Variants in IFT172 observed in about 807,000 individuals in gnomAD.
IFT172 encodes the protein intraflagellar transport 172, also known as intraflagellar transport protein 172 homolog.
In IFT172, 164 loss-of-function variants were observed where a neutral mutation model predicts 248.9. That is an observed-to-expected ratio of 0.66 (90% CI 0.58 to 0.75). The LOEUF is 0.75. IFT172 is among the 30% of genes least tolerant of loss of function. IFT172 has a pLI of 0.00. For missense variants in IFT172, 1,950 were observed against 2,192.4 expected (o/e 0.89, Z 2.21); for synonymous variants, 729 against 791.6 (o/e 0.92, Z 1.33).
intron 42 of IFT172, chr2:27,446,606 C>T (rs576453277): frequency 3.2e-5 from 11 of 340,424 alleles, no homozygotes; most frequent in Non-Finnish European, 4.3e-5. Flanking sequence ...CTCTGCCTCC[C>T]GGATTCAAGT....
Position 27,446,364 on chromosome 2 carries a change from A to C in IFT172, c.4660-9T>G. On this transcript the variant is annotated splice_polypyrimidine_tract_variant and intron_variant, in intron 42 of 47. Coordinates refer to ENST00000260570, the MANE Select transcript of IFT172 (RefSeq NM_015662.3). ...CTGGCAGCCACGGTTTCCTGGGATTAAAGTCAAAGCATTATGAATATGGCA... is the reference window on the plus strand; with the variant it reads ...CTGGCAGCCACGGTTTCCTGGGATTCAAGTCAAAGCATTATGAATATGGCA... 6.2e-7 allele frequency: 1 copy of C among 1,613,818 alleles called. No individual in the cohort carries two copies. The highest frequency in any genetic ancestry group is 1.3e-5 in the African/African-American group (1 of 75,052).
At chr2:27,446,809 C>G (rs1243328835) in intron 42 of IFT172, among the ~76,000 whole-genome samples, 1 of 148,540 alleles carries the variant, frequency 6.7e-6, no homozygotes, top group Non-Finnish European at 1.5e-5. Flanking sequence ...ACGCCATTCT[C>G]CTGCCTCAGC....
chr2:27,476,739 G>A lies in IFT172; in HGVS notation c.1326-13C>T. 1 of 1,601,574 alleles carries A rather than the reference G, an allele frequency of 6.2e-7. No homozygotes were observed. The highest frequency in any genetic ancestry group is 1.7e-4 in the Middle Eastern group (1 of 6,044). On this transcript the variant is annotated splice_polypyrimidine_tract_variant and intron_variant, in intron 13 of 47. Transcript: ENST00000260570. Reference sequence around the variant, plus strand: ...ATTAATACGAACACTGAAACATGAAGGGTGAGGTAAGGCAAAATGGGCTGA... The same window carrying A: ...ATTAATACGAACACTGAAACATGAAAGGTGAGGTAAGGCAAAATGGGCTGA...
intron 15 of IFT172, chr2:27,471,982 G>A (rs944238839): frequency 2.1e-5 from 10 of 484,048 alleles, no homozygotes; most frequent in Non-Finnish European, 3.6e-5. Context: ...AAGTTGCAGT[G>A]AGCCCAGATT....
chr2:27,449,492 G>A lies in IFT172; in HGVS notation c.4224+7C>T. On this transcript the variant is annotated splice_region_variant and intron_variant, in intron 38 of 47. Coordinates refer to ENST00000260570, the MANE Select transcript of IFT172 (RefSeq NM_015662.3). ...ATTCTGCCTCCTGCTAACTCTCCAA[G>A]TCTCACCGAGTCCACTTTGCCCTGA... 6.2e-7 allele frequency: 1 copy of A among 1,614,130 alleles called. No homozygotes were observed. Among genetic ancestry groups the A allele is most frequent in the Non-Finnish European group, 8.5e-7 (1 of 1,180,024 alleles).
rs1178489940 is a variant in IFT172 at position 27,457,732 on chromosome 2, T to A, written c.3135A>T (p.Leu1045=). ...CGAGGTAGTGGTACTCAGCCTCCTG[T>A]AGTCGGCCTTCAGCCTCCAGCTCCT... ...LGKELEAEGR[L]QEAEYHYLEA... Residue 1045 remains leucine, a synonymous_variant, in exon 29 of 48, where the codon CTA becomes CTT. Coordinates refer to ENST00000260570, the MANE Select transcript of IFT172 (RefSeq NM_015662.3). 5.0e-6 allele frequency: 8 copies of A among 1,613,992 alleles called. No individual in the cohort carries two copies. The highest frequency in any genetic ancestry group is 5.1e-6 in the Non-Finnish European group (6 of 1,180,020).
intron 35 of IFT172, among the ~76,000 whole-genome samples, chr2:27,452,821 C>T (rs1450374019): frequency 6.6e-6 from 1 of 152,228 alleles, no homozygotes; most frequent in Admixed American, 6.5e-5. Flanking sequence ...TTGACCAAAA[C>T]GTTGTTATAT....
At chr2:27,446,387 G>C (rs372614272) in intron 42 of IFT172, 32 bp from the exon 43 acceptor site, 7 of 1,588,710 alleles carry the variant, frequency 4.4e-6, no homozygotes, top group Non-Finnish European at 5.2e-6. Context: ...TATGAATATG[G>C]CACTAAAGTG....
At position 27,457,829 on chromosome 2, in the gene IFT172, A is replaced by G; in HGVS notation, c.3111+12T>C. On this transcript the variant is annotated intron_variant, in intron 28 of 47. Coordinates refer to ENST00000260570, the MANE Select transcript of IFT172 (RefSeq NM_015662.3). ...TGGGGAAGAGATAGGGAGAGCCAGG[A>G]GAAGGGCTCACCTTGCCCAGATGTA... is the stretch of plus-strand genomic sequence containing the variant. 2 of 1,614,168 alleles carry G rather than the reference A, an allele frequency of 1.2e-6. No individual in the cohort carries two copies. The highest frequency in any genetic ancestry group is 1.7e-6 in the Non-Finnish European group (2 of 1,180,014).
intron 18 of IFT172, 129 bp downstream of exon 18, chr2:27,465,282 T>C (rs1006873500): frequency 1.1e-5 from 8 of 741,718 alleles, no homozygotes; most frequent in Non-Finnish European, 1.7e-5. Context: ...AGAAGGGCTC[T>C]ATGCTATTTG....
At chr2:27,461,639 C>T in intron 21 of IFT172, 120 bp downstream of exon 21, 3 of 1,504,836 alleles carry the variant, frequency 2.0e-6, no homozygotes, top group Non-Finnish European at 2.8e-6. Context: ...CCTAACTCCT[C>T]ACCACATCAA....
At chr2:27,481,618 C>T (rs1258926424) in intron 7 of IFT172, among the ~76,000 whole-genome samples, 7 of 151,544 alleles carry the variant, frequency 4.6e-5, no homozygotes, top group Non-Finnish European at 8.8e-5. Context: ...CTCATCGCTG[C>T]AACCTCCGCC....
intron 24 of IFT172, 38 bp from the exon 25 acceptor site, chr2:27,459,560 A>G: frequency 8.1e-6 from 13 of 1,610,952 alleles, no homozygotes; most frequent in Non-Finnish European, 1.1e-5. Flanking sequence ...TGTAGGATGA[A>G]AGATGAAGAT....
intron 26 of IFT172, among the ~76,000 whole-genome samples, chr2:27,458,436 G>C (rs924495919): frequency 6.6e-6 from 1 of 152,194 alleles, no homozygotes; most frequent in Non-Finnish European, 1.5e-5. Flanking sequence ...GCGATGCCTT[G>C]GCTGGGGCAT....
At chr2:27,483,439 T>G in intron 6 of IFT172, 63 bp from the exon 7 acceptor site, 1 of 1,411,812 alleles carries the variant, frequency 7.1e-7, no homozygotes, top group African/African-American at 1.4e-5. Flanking sequence ...AGAAAGCCCC[T>G]TTCTCTGTCA....
intron 4 of IFT172, 78 bp from the exon 5 acceptor site, chr2:27,484,015 C>T (rs1668571792): frequency 1.5e-6 from 2 of 1,325,922 alleles, no homozygotes; most frequent in African/African-American, 2.9e-5. Flanking sequence ...AACACCCCAC[C>T]ACACACCACC....
intron 18 of IFT172, 67 bp downstream of exon 18, chr2:27,465,344 A>G: frequency 7.4e-7 from 1 of 1,348,846 alleles, no homozygotes; most frequent in Non-Finnish European, 1.1e-6. Flanking sequence ...AGTAGCCCAC[A>G]GGGAAAATAC....
At chr2:27,463,568 A>AGTGTT (rs1001558611) in intron 18 of IFT172, among the ~76,000 whole-genome samples, 10 of 130,088 alleles carry the variant, frequency 7.7e-5, no homozygotes, top group Admixed American at 6.6e-4. Flanking sequence ...AGCTATCATT[A>AGTGTT]GTGTTAGTAT....
chr2:27,457,416 A>T (rs946171107), intron 29 of IFT172, among the ~76,000 whole-genome samples: 2 of 152,102 alleles, frequency 1.3e-5, no homozygotes, highest in South Asian at 2.1e-4. Context: ...CAAAAAAATT[A>T]AAAAATTAGC....
Sources: allele counts gnomAD v4.1 joint callset (sites outside exome capture counted in the v4.1 genomes callset), GRCh38; gene constraint gnomAD v4.1.1; transcripts MANE v1.5; gene names NCBI Gene and HGNC (gene_info 2026-07-23, HGNC 2026-07-21).